Variants in FBXO43 observed in about 807,000 individuals in gnomAD.
FBXO43 encodes the protein F-box only protein 43.
A neutral mutation model predicts 56.7 loss-of-function variants in FBXO43; 22 were observed. The observed-to-expected ratio is 0.39, with a 90% CI of 0.28 to 0.55. The LOEUF (loss-of-function observed/expected upper bound fraction) is 0.55, where lower values mean the gene tolerates loss of function less well. Among genes scored for constraint, FBXO43 ranks in the 20% least tolerant of loss-of-function variants. The pLI is 0.66. For synonymous variants in FBXO43, 306 were observed against 294.5 expected, an observed-to-expected ratio of 1.04 and a Z score of -0.40; for missense variants, 733 against 814.9, an observed-to-expected ratio of 0.90 and a Z score of 1.22.
At chr8:100,138,773 C>A (rs1033507894) in intron 2 of FBXO43, among the ~76,000 whole-genome samples, 1 of 152,176 alleles carries the variant, frequency 6.6e-6, no homozygotes, top group Admixed American at 6.5e-5. Flanking sequence ...CACAGCGGCT[C>A]ACACCTGTGA....
rs1814400206 is a variant in FBXO43 at position 100,134,291 on chromosome 8, T to C, written c.1748A>G (p.Gln583Arg). 6.2e-7 allele frequency: 1 copy of C among 1,614,118 alleles called. No homozygotes were observed. The highest frequency in any genetic ancestry group is 8.5e-7 in the Non-Finnish European group (1 of 1,180,030). ...AGAACCAGGTATCCTAGCCTGTGCC[T>C]GCACAGATCTTAAAGCTGAGCGATT... ...LLNRSALRSV[Q>R]AQARIPGSQR... is the part of the protein sequence containing the mutation. The change falls in exon 4 of 5, where the codon CAG becomes CGG. Residue 583 changes from glutamine (Q) to arginine (R), a missense_variant. By Grantham distance (43) the Gln-to-Arg change is conservative. Coordinates refer to ENST00000428847, the MANE Select transcript of FBXO43 (RefSeq NM_001029860.4).
upstream of FBXO43, among the ~76,000 whole-genome samples, chr8:100,150,189 T>C (rs993824798): frequency 2.0e-5 from 3 of 152,286 alleles, no homozygotes; most frequent in Admixed American, 2.0e-4. Context: ...AAGAGAAAGG[T>C]AGGAGGCAGC....
At chr8:100,146,904 G>T (rs1229990964), upstream of FBXO43, among the ~76,000 whole-genome samples, 1 of 152,176 alleles carries the variant, frequency 6.6e-6, no homozygotes, top group South Asian at 2.1e-4. Context: ...CTGGAGTGCC[G>T]TGGTGCAATC....
chr8:100,147,390 A>G (rs995534641), upstream of FBXO43, among the ~76,000 whole-genome samples: 1 of 152,246 alleles, frequency 6.6e-6, no homozygotes, highest in African/African-American at 2.4e-5. Flanking sequence ...GGAAATTCCA[A>G]ACTTAAAATG....
At chr8:100,146,422 C>T (rs1056297107), upstream of FBXO43, among the ~76,000 whole-genome samples, 1 of 152,066 alleles carries the variant, frequency 6.6e-6, no homozygotes, top group South Asian at 2.1e-4. Flanking sequence ...CATAGTGAGA[C>T]CCCCATCTCA....
chr8:100,137,731 C>A, intron 2 of FBXO43, 64 bp from the exon 3 acceptor site: 3 of 1,187,744 alleles, frequency 2.5e-6, no homozygotes, highest in Non-Finnish European at 3.6e-6. Context: ...TTGTTGTATA[C>A]GCTAACTAAT....
At position 100,133,742 on chromosome 8, in the gene FBXO43, T is replaced by C; in HGVS notation, c.*60A>G. The C allele has an allele frequency of 6.7e-7, 1 of 1,503,284 alleles. No homozygotes were observed. Among genetic ancestry groups the C allele is most frequent in the East Asian group, 2.3e-5 (1 of 43,880 alleles). The allele number at this position is 1,503,284 out of a possible 1,614,324, so 93.1% of individuals were successfully genotyped here. ...GGAAGATTTGCATGTATTCAAAATA[T>C]TCATAATTTTAAGTCAGATAAATAG... On this transcript the variant is annotated 3_prime_UTR_variant, in exon 5 of 5. Transcript: ENST00000428847.
chr8:100,143,319 T>C (rs1219321027), intron 1 of FBXO43, among the ~76,000 whole-genome samples: 1 of 152,242 alleles, frequency 6.6e-6, no homozygotes, highest in Non-Finnish European at 1.5e-5. Flanking sequence ...TTGGCTGTAA[T>C]GCGACAGTAA....
rs767858851 is a variant in FBXO43, at chr8:100,141,982, TTATC to T, written c.268_271del (p.Asp90LysfsTer25). The stretch of plus-strand genomic sequence containing the variant: ...TTTTTCTTTCTTTCCAAGATATTCT[TTATC>T]TATATTATCAAAGCTACAAGATTTT... On this transcript the variant is annotated frameshift_variant, in exon 2 of 5. Coordinates refer to ENST00000428847, the MANE Select transcript of FBXO43 (RefSeq NM_001029860.4). LOFTEE classifies it high-confidence loss of function. 2 of 1,610,032 alleles carry T rather than the reference TTATC, an allele frequency of 1.2e-6. No individual in the cohort carries two copies. The highest frequency in any genetic ancestry group is 2.2e-5 in the East Asian group (1 of 44,862).
chr8:100,149,707 T>C (rs1814885162), upstream of FBXO43, among the ~76,000 whole-genome samples: 1 of 152,214 alleles, frequency 6.6e-6, no homozygotes. Context: ...GATTTCTGGA[T>C]GGAGGGCCCG....
upstream of FBXO43, among the ~76,000 whole-genome samples, chr8:100,148,543 C>T (rs1396193953): frequency 6.6e-6 from 1 of 152,180 alleles, no homozygotes. Context: ...TTCCAAGTAG[C>T]TGAGATTACA....
intron 3 of FBXO43, among the ~76,000 whole-genome samples, chr8:100,135,466 T>C (rs904021606): frequency 2.0e-5 from 3 of 152,194 alleles, no homozygotes; most frequent in Admixed American, 1.3e-4. Flanking sequence ...TAGTCCAGTT[T>C]GACTTTTTAA....
chr8:100,135,386 T>C (rs931174591), intron 3 of FBXO43, among the ~76,000 whole-genome samples: 1 of 151,990 alleles, frequency 6.6e-6, no homozygotes, highest in Admixed American at 6.6e-5. Flanking sequence ...TAGAAGAAAG[T>C]GTTGAAAATG....
chr8:100,143,833 G>A (rs936882688), intron 1 of FBXO43, among the ~76,000 whole-genome samples: 9 of 152,124 alleles, frequency 5.9e-5, no homozygotes, highest in African/African-American at 9.7e-5. Context: ...GTGCAGTGGC[G>A]TGATTTCTGC....
Position 100,141,796 on chromosome 8 carries a change from A to G in FBXO43, c.458T>C (p.Leu153Ser). 1 of 1,583,622 alleles carries G rather than the reference A, an allele frequency of 6.3e-7. No individual in the cohort carries two copies. Among genetic ancestry groups the G allele is most frequent in the Non-Finnish European group, 8.6e-7 (1 of 1,167,964 alleles). Residue 153 changes from leucine (L) to serine (S), a missense_variant, in exon 2 of 5, where the codon TTA becomes TCA. Transcript: ENST00000428847. ...ETPKISGKKC[L>S]PRRRLNVSFA... ...AGATACATTCAACCTTCTGCGAGGT[A>G]AACATTTTTTCCCACTGATTTTAGG...
At chr8:100,150,218 C>CA (rs1814894209), upstream of FBXO43, among the ~76,000 whole-genome samples, 1 of 152,168 alleles carries the variant, frequency 6.6e-6, no homozygotes. Context: ...TGCCCCAGTA[C>CA]AGATATCAAA....
At chr8:100,149,933 TGAAATTCTGATACTTGAAA>T (rs1394777434), upstream of FBXO43, among the ~76,000 whole-genome samples, 1 of 152,222 alleles carries the variant, frequency 6.6e-6, no homozygotes, top group Non-Finnish European at 1.5e-5. Flanking sequence ...TCCATCATAC[TGAAATTCTGATACTTGAAA>T]GAACGCACCT....
chr8:100,135,079 GA>G (rs1183418423), intron 3 of FBXO43, among the ~76,000 whole-genome samples: 1 of 152,098 alleles, frequency 6.6e-6, no homozygotes, highest in Non-Finnish European at 1.5e-5. Flanking sequence ...TAACTGGAGG[GA>G]AAAAGTTACA....
At chr8:100,135,846 T>C (rs1814453056) in intron 3 of FBXO43, among the ~76,000 whole-genome samples, 1 of 152,044 alleles carries the variant, frequency 6.6e-6, no homozygotes, top group Admixed American at 6.6e-5. Context: ...TGTCAAGTGA[T>C]CCACTAACCT....
Sources: allele counts gnomAD v4.1 joint callset (sites outside exome capture counted in the v4.1 genomes callset), GRCh38; gene constraint gnomAD v4.1.1; transcripts MANE v1.5; gene names NCBI Gene and HGNC (gene_info 2026-07-23, HGNC 2026-07-21).